LSAMP: variants seen among roughly 807,000 people sequenced by gnomAD.
LSAMP encodes limbic system-associated membrane protein.
A neutral mutation model predicts 38.6 loss-of-function variants in LSAMP; 7 were observed. That is an observed-to-expected ratio of 0.18 (90% confidence interval 0.10 to 0.34). LSAMP has a LOEUF of 0.34. Ranked by LOEUF, LSAMP falls within the 10% of genes least tolerant of loss-of-function variation. The pLI, the probability that LSAMP is intolerant of heterozygous loss-of-function variation, is 1.00. For synonymous variants in LSAMP, 154 were observed against 166.8 expected (o/e 0.92, Z 0.59); for missense variants, 313 against 420.0 (o/e 0.75, Z 2.23).
intron 1 of LSAMP, among the ~76,000 whole-genome samples, chr3:116,285,194 C>T (rs1424421071): frequency 6.6e-6 from 1 of 152,106 alleles, no homozygotes; most frequent in East Asian, 1.9e-4. Context: ...CCATTTGCAC[C>T]AGGTGATCTT....
intron 3 of LSAMP, among the ~76,000 whole-genome samples, chr3:115,865,334 A>G (rs1400095832): frequency 6.6e-6 from 1 of 152,234 alleles, no homozygotes; most frequent in Non-Finnish European, 1.5e-5. Flanking sequence ...TGCATTTCAT[A>G]AATTTCAGTC....
chr3:116,065,707 A>C (rs1707412832), intron 2 of LSAMP, among the ~76,000 whole-genome samples: 1 of 152,180 alleles, frequency 6.6e-6, no homozygotes, highest in South Asian at 2.1e-4. Flanking sequence ...TTGCCAACTC[A>C]AATTAAATAT....
rs188023796 is a variant in LSAMP, at chr3:116,196,683, C to T, written c.156-110127G>A. On this transcript the variant is annotated intron_variant, in intron 1 of 6. Transcript: ENST00000490035. Reference sequence around the variant, plus strand: ...AGCAGAAATTTTTTCCTCCTAGAGACCTGCCTTATCACGTGTAGTCAAAAT... The same window carrying T: ...AGCAGAAATTTTTTCCTCCTAGAGATCTGCCTTATCACGTGTAGTCAAAAT... 1.1e-3 allele frequency among the ~76,000 whole-genome samples: 174 copies of T among 152,298 alleles called. 5 individuals are homozygous for T. In the East Asian group the frequency reaches 0.026, roughly 23 times the overall value.
chr3:116,222,720 CTTTTTTTTTTTTTTTTTTTTTTT>C lies in LSAMP; in HGVS notation c.156-136187_156-136165del, dbSNP rs71141863. Among the ~76,000 whole-genome samples the C allele has an allele frequency of 5.2e-4, 26 of 49,942 alleles. 1 individual carries two copies. In the East Asian group the frequency reaches 0.014, roughly 28 times the overall value. The allele number at this position is 49,942 out of a possible 152,430, so 32.8% of individuals were successfully genotyped here. On this transcript the variant is annotated intron_variant, in intron 1 of 6. Coordinates refer to ENST00000490035, the MANE Select transcript of LSAMP (RefSeq NM_002338.5). ...TTTTTTGCTCACCTTTCATCCTCTC[CTTTTTTTTTTTTTTTTTTTTTTT>C]TTTTTTTTTTTTTGAGATGGAGTCT...
intron 1 of LSAMP, among the ~76,000 whole-genome samples, chr3:116,208,567 A>G (rs1388418955): frequency 6.6e-6 from 1 of 152,206 alleles, no homozygotes; most frequent in African/African-American, 2.4e-5. Context: ...GGTGATGTAC[A>G]GATGGGTTTT....
chr3:116,107,415 G>A (rs910181227), intron 1 of LSAMP, among the ~76,000 whole-genome samples: 1 of 152,308 alleles, frequency 6.6e-6, no homozygotes, highest in South Asian at 2.1e-4. Flanking sequence ...ACGCAGACAT[G>A]AGGGCTAGGC....
At chr3:116,149,284 A>G (rs1709558064) in intron 1 of LSAMP, among the ~76,000 whole-genome samples, 1 of 152,024 alleles carries the variant, frequency 6.6e-6, no homozygotes, top group African/African-American at 2.4e-5. Context: ...TGGAAAGCAG[A>G]GCAGAGTAGG....
chr3:116,215,079 A>T (rs73140967), intron 1 of LSAMP, among the ~76,000 whole-genome samples: 1,997 of 152,348 alleles, frequency 0.013, 31 homozygotes, highest in Non-Finnish European at 0.018. Flanking sequence ...TACACTGGAT[A>T]CATTGCGGAC....
At chr3:116,163,900 A>G (rs1366154159) in intron 1 of LSAMP, among the ~76,000 whole-genome samples, 1 of 152,200 alleles carries the variant, frequency 6.6e-6, no homozygotes, top group Non-Finnish European at 1.5e-5. Context: ...AAGATCACAC[A>G]TATATAATCT....
At chr3:115,845,561 T>C (rs1935132170) in intron 4 of LSAMP, among the ~76,000 whole-genome samples, 1 of 129,798 alleles carries the variant, frequency 7.7e-6, no homozygotes, top group African/African-American at 3.4e-5. Flanking sequence ...TTCTGGCCGG[T>C]AGCAGAGGTT....
At chr3:116,354,496 C>T (rs748850798) in intron 1 of LSAMP, among the ~76,000 whole-genome samples, 1 of 152,152 alleles carries the variant, frequency 6.6e-6, no homozygotes, top group Non-Finnish European at 1.5e-5. Context: ...ATCATAGTCC[C>T]AGTGGCTTTC....
At chr3:116,259,802 AC>A (rs1311176089) in intron 1 of LSAMP, among the ~76,000 whole-genome samples, 2 of 152,128 alleles carry the variant, frequency 1.3e-5, no homozygotes, top group African/African-American at 4.8e-5. Context: ...AAACAAAAAA[AC>A]AACAAAAGAA....
chr3:116,235,673 A>C (rs6765043), intron 1 of LSAMP, among the ~76,000 whole-genome samples: 109,798 of 152,072 alleles, frequency 0.72, 41,081 homozygotes, highest in South Asian at 0.84. Flanking sequence ...ATTTCATGAA[A>C]CTACCAGAAT....
chr3:115,966,244 T>C (rs4323000), intron 3 of LSAMP, among the ~76,000 whole-genome samples: 37,217 of 152,090 alleles, frequency 0.24, 5,211 homozygotes, highest in African/African-American at 0.4. Context: ...ACAGATAAAT[T>C]TGGGAATGAA....
At chr3:116,281,983 GA>G (rs1210787842) in intron 1 of LSAMP, among the ~76,000 whole-genome samples, 1 of 152,168 alleles carries the variant, frequency 6.6e-6, no homozygotes, top group African/African-American at 2.4e-5. Context: ...TGTTGTTGTG[GA>G]AAGGGATGCT....
chr3:116,423,544 C>T (rs1222597464), intron 1 of LSAMP, among the ~76,000 whole-genome samples: 2 of 152,128 alleles, frequency 1.3e-5, no homozygotes, highest in African/African-American at 2.4e-5. Flanking sequence ...TTTTCCCCTC[C>T]ATCCCCCACC....
chr3:116,363,809 C>T (rs2048319090), intron 1 of LSAMP, among the ~76,000 whole-genome samples: 1 of 149,814 alleles, frequency 6.7e-6, no homozygotes, highest in Non-Finnish European at 1.5e-5. Context: ...AAAAATTCAA[C>T]AACCCTTCAT....
At chr3:116,170,282 A>G (rs1710164431) in intron 1 of LSAMP, among the ~76,000 whole-genome samples, 1 of 152,208 alleles carries the variant, frequency 6.6e-6, no homozygotes, top group Non-Finnish European at 1.5e-5. Flanking sequence ...TTTATAAGCC[A>G]ATCGGAGGAA....
intron 1 of LSAMP, among the ~76,000 whole-genome samples, chr3:116,210,731 T>C (rs1373914350): frequency 1.3e-5 from 2 of 152,174 alleles, no homozygotes; most frequent in African/African-American, 2.4e-5. Flanking sequence ...AATATAAGGA[T>C]GATGATATGG....
Sources: allele counts gnomAD v4.1 joint callset (sites outside exome capture counted in the v4.1 genomes callset), GRCh38; gene constraint gnomAD v4.1.1; transcripts MANE v1.5; gene names NCBI Gene and HGNC (gene_info 2026-07-23, HGNC 2026-07-21).